The following DLC1 variants were observed in gnomAD, a reference collection of about 807,000 sequenced individuals.
DLC1 encodes rho GTPase-activating protein 7.
In DLC1, 54 loss-of-function variants were observed where a neutral mutation model predicts 140.3. The ratio of observed to expected loss-of-function variants is 0.38; its 90% CI spans 0.31 to 0.48. The LOEUF (loss-of-function observed/expected upper bound fraction) is 0.48. DLC1 is among the 20% of genes least tolerant of loss of function. The pLI is 0.96. For synonymous variants in DLC1, 986 were observed against 728.1 expected, an observed-to-expected ratio of 1.35 and a Z score of -5.70; for missense variants, 2,536 against 1,907.0, an observed-to-expected ratio of 1.33 and a Z score of -6.14.
rs192958172 is a variant in DLC1, at chr8:13,265,764, A to C, written c.1348+39505T>G. On this transcript the variant is annotated intron_variant, in intron 5 of 17. Coordinates refer to ENST00000276297, the MANE Select transcript of DLC1 (RefSeq NM_182643.3). ...CCTCCTTTCCTTTCCTCCCTCCCTC[A>C]TTCCTTCCTTCCTTGTTAAATGTTT... Among the ~76,000 whole-genome samples the C allele has an allele frequency of 1.1e-4, 13 of 122,730 alleles. No homozygotes were observed. The East Asian group carries it at 1.1e-3, about 11-fold the overall frequency. The allele number at this position is 122,730 out of a possible 152,430, so 80.5% of individuals were successfully genotyped here.
At chr8:13,595,141 G>A (rs1805643332) in intron 1 of DLC1, among the ~76,000 whole-genome samples, 1 of 151,964 alleles carries the variant, frequency 6.6e-6, no homozygotes, top group Non-Finnish European at 1.5e-5. Flanking sequence ...TTTTACTACA[G>A]TCACAAGCAT....
intron 5 of DLC1, among the ~76,000 whole-genome samples, chr8:13,241,400 C>T (rs74302475): frequency 6.6e-6 from 1 of 152,104 alleles, no homozygotes; most frequent in Admixed American, 6.5e-5. Flanking sequence ...CATTTCCAAC[C>T]TGATTTGGGG....
intron 1 of DLC1, among the ~76,000 whole-genome samples, chr8:13,563,702 T>C (rs1804326642): frequency 6.6e-6 from 1 of 152,194 alleles, no homozygotes; most frequent in Non-Finnish European, 1.5e-5. Flanking sequence ...CCACGAATTA[T>C]GATTTCTGGA....
At chr8:13,138,600 A>G (rs1458058340) in intron 5 of DLC1, among the ~76,000 whole-genome samples, 1 of 152,262 alleles carries the variant, frequency 6.6e-6, no homozygotes, top group African/African-American at 2.4e-5. Context: ...GTAATGTTCA[A>G]AGGACATACG....
intron 1 of DLC1, among the ~76,000 whole-genome samples, chr8:13,588,111 G>A (rs1805392718): frequency 6.6e-6 from 1 of 152,062 alleles, no homozygotes; most frequent in South Asian, 2.1e-4. Context: ...CCAAATGGAA[G>A]CACAGTCTGC....
At chr8:13,408,509 G>A (rs1195200020) in intron 2 of DLC1, among the ~76,000 whole-genome samples, 1 of 152,186 alleles carries the variant, frequency 6.6e-6, no homozygotes, top group Admixed American at 6.5e-5. Flanking sequence ...ACAGTTTCCT[G>A]AGTAGTTTCA....
intron 15 of DLC1, among the ~76,000 whole-genome samples, chr8:13,089,777 C>T (rs1200788131): frequency 7.2e-5 from 11 of 152,194 alleles, no homozygotes; most frequent in Admixed American, 7.2e-4. Flanking sequence ...TCCTGCTGAG[C>T]CTTACAAGAT....
intron 4 of DLC1, among the ~76,000 whole-genome samples, chr8:13,364,039 G>A (rs977914800): frequency 6.6e-6 from 1 of 152,110 alleles, no homozygotes; most frequent in African/African-American, 2.4e-5. Context: ...GTGTGTGTAT[G>A]TGTGTGTGTG....
chr8:13,469,575 G>GGAATTATAGATATTCACAAAGGT, intron 2 of DLC1, among the ~76,000 whole-genome samples: 1 of 152,170 alleles, frequency 6.6e-6, no homozygotes, highest in Admixed American at 6.5e-5. Flanking sequence ...TCAAATCGCA[G>GGAATTATAGATATTCACAAAGGT]GAATTATAGA....
At chr8:13,350,480 C>A (rs1362449905) in intron 4 of DLC1, among the ~76,000 whole-genome samples, 1 of 152,074 alleles carries the variant, frequency 6.6e-6, no homozygotes, top group African/African-American at 2.4e-5. Context: ...CTTTGGAAAG[C>A]CGAGGCAGGT....
intron 4 of DLC1, among the ~76,000 whole-genome samples, chr8:13,387,056 T>C (rs577277291): frequency 6.6e-6 from 1 of 152,064 alleles, no homozygotes; most frequent in Non-Finnish European, 1.5e-5. Context: ...TTAATTCAAA[T>C]TTTTTGATGT....
chr8:13,402,693 G>A (rs1461949257), intron 2 of DLC1, among the ~76,000 whole-genome samples: 1 of 152,214 alleles, frequency 6.6e-6, no homozygotes, highest in East Asian at 1.9e-4. Flanking sequence ...TCAGTACAGT[G>A]ATTGCAGATT....
Position 13,099,284 on chromosome 8 carries a change from G to C in DLC1, c.2990+63C>G, listed in dbSNP as rs1818775545. Reference sequence around the variant, plus strand: ...AATCCCATTTCTTCCCACAGAACAAGCACAGGCAATGTCTTTCTGACCCCC... The same window carrying C: ...AATCCCATTTCTTCCCACAGAACAACCACAGGCAATGTCTTTCTGACCCCC... On this transcript the variant is annotated intron_variant, in intron 9 of 17. Coordinates refer to ENST00000276297, the MANE Select transcript of DLC1 (RefSeq NM_182643.3). The C allele has an allele frequency of 1.9e-6, 3 of 1,546,994 alleles. No homozygotes were observed. In the Admixed American group the frequency reaches 6.0e-5, roughly 31 times the overall value.
chr8:13,408,878 A>G (rs12335309), intron 2 of DLC1, among the ~76,000 whole-genome samples: 1 of 151,992 alleles, frequency 6.6e-6, no homozygotes, highest in Non-Finnish European at 1.5e-5. Flanking sequence ...GTTTGAAAAC[A>G]TAAGAAAAAT....
intron 5 of DLC1, among the ~76,000 whole-genome samples, chr8:13,198,889 G>A (rs989433040): frequency 6.6e-6 from 1 of 151,784 alleles, no homozygotes; most frequent in Non-Finnish European, 1.5e-5. Flanking sequence ...GCTAATTTTT[G>A]TATTTTTAGT....
intron 2 of DLC1, 26 bp downstream of exon 2, chr8:13,499,023 C>A: frequency 6.5e-7 from 1 of 1,548,632 alleles, no homozygotes; most frequent in Non-Finnish European, 8.7e-7. Context: ...ATTTCAAAAG[C>A]CAGAGAATCT....
At chr8:13,157,456 G>C (rs1156737021) in intron 5 of DLC1, among the ~76,000 whole-genome samples, 6 of 149,040 alleles carry the variant, frequency 4.0e-5, no homozygotes, top group African/African-American at 1.5e-4. Context: ...GAATAAGCAG[G>C]TGAGGAACAA....
rs541900813 is a variant in DLC1, at chr8:13,511,141, C to T, written c.-126+3461G>A. 1.6e-4 allele frequency among the ~76,000 whole-genome samples: 24 copies of T among 152,268 alleles called. 1 individual carries two copies. The East Asian group carries it at 4.2e-3, about 27-fold the overall frequency. The stretch of plus-strand genomic sequence containing the variant: ...GCTGTTTGATCTTCCTACTTCTTTT[C>T]TATCTCATTTCCATTAACAGGGCTG... On this transcript the variant is annotated intron_variant, in intron 1 of 17. Transcript: ENST00000276297.
chr8:13,151,888 G>A (rs1823846490), intron 5 of DLC1, among the ~76,000 whole-genome samples: 1 of 151,970 alleles, frequency 6.6e-6, no homozygotes, highest in Non-Finnish European at 1.5e-5. Context: ...AAAAGAAAGT[G>A]GTAAGGCTGC....
Sources: gnomAD v4.1 joint callset for allele counts (sites outside exome capture counted in the v4.1 genomes callset) on GRCh38, gnomAD v4.1.1 for gene constraint, MANE v1.5 for transcripts, NCBI Gene and HGNC (gene_info 2026-07-23, HGNC 2026-07-21) for gene names.